Variants in NKAIN2 observed in about 807,000 individuals in gnomAD.
The protein encoded by NKAIN2 is sodium/potassium transporting ATPase interacting 2.
A neutral mutation model predicts 32.6 loss-of-function variants in NKAIN2; 14 were observed. The observed-to-expected ratio is 0.43, with a 90% CI of 0.28 to 0.67. NKAIN2 has a LOEUF of 0.67. Among genes scored for constraint, NKAIN2 ranks in the 30% least tolerant of loss-of-function variants. NKAIN2 has a pLI of 0.17. For missense variants in NKAIN2, 198 were observed against 258.3 expected, an observed-to-expected ratio of 0.77 and a Z score of 1.60; for synonymous variants, 80 against 87.2, an observed-to-expected ratio of 0.92 and a Z score of 0.46.
intron 3 of NKAIN2, among the ~76,000 whole-genome samples, chr6:124,463,385 A>C (rs1197059043): frequency 6.6e-6 from 1 of 152,064 alleles, no homozygotes; most frequent in African/African-American, 2.4e-5. Flanking sequence ...TGGATCCCTT[A>C]ATGCTTCCAA....
intron 2 of NKAIN2, among the ~76,000 whole-genome samples, chr6:124,342,568 G>C (rs62434710): frequency 0.095 from 14,482 of 151,722 alleles, 1,009 homozygotes; most frequent in African/African-American, 0.19. Flanking sequence ...AGCACAGTGG[G>C]ATGATCTTGG....
chr6:124,543,232 A>G (rs1483608891), intron 3 of NKAIN2, among the ~76,000 whole-genome samples: 1 of 152,176 alleles, frequency 6.6e-6, no homozygotes, highest in Non-Finnish European at 1.5e-5. Context: ...ATCTTAATCA[A>G]AATTTGCATT....
chr6:124,487,359 G>A (rs1275084662), intron 3 of NKAIN2, among the ~76,000 whole-genome samples: 1 of 152,048 alleles, frequency 6.6e-6, no homozygotes, highest in Non-Finnish European at 1.5e-5. Context: ...TTAGCCATTT[G>A]GTCCAGTAAA....
At chr6:123,879,188 A>G (rs1773327093) in intron 1 of NKAIN2, among the ~76,000 whole-genome samples, 1 of 151,982 alleles carries the variant, frequency 6.6e-6, no homozygotes, top group East Asian at 1.9e-4. Context: ...CTAGAAAGTC[A>G]TCACAGCTAT....
chr6:124,731,099 C>G (rs1281998197), intron 4 of NKAIN2, among the ~76,000 whole-genome samples: 1 of 140,194 alleles, frequency 7.1e-6, no homozygotes, highest in African/African-American at 2.7e-5. Flanking sequence ...AGGAACACTT[C>G]TACACTGTTG....
intron 1 of NKAIN2, among the ~76,000 whole-genome samples, chr6:123,967,874 G>C (rs1778161180): frequency 6.6e-6 from 1 of 152,166 alleles, no homozygotes; most frequent in Non-Finnish European, 1.5e-5. Context: ...TGAGGAGCCA[G>C]TGTGCTCGCT....
intron 3 of NKAIN2, among the ~76,000 whole-genome samples, chr6:124,609,910 TAG>T (rs1782630842): frequency 6.6e-6 from 1 of 152,170 alleles, no homozygotes; most frequent in South Asian, 2.1e-4. Context: ...GTCTTTGCAA[TAG>T]AGACAATAAT....
chr6:124,051,199 A>C (rs1012511769), intron 1 of NKAIN2, among the ~76,000 whole-genome samples: 41 of 152,040 alleles, frequency 2.7e-4, no homozygotes, highest in African/African-American at 9.4e-4. Context: ...TTGTGTTCTT[A>C]AACTTCCCCT....
chr6:123,912,858 A>AT (rs1354721073), intron 1 of NKAIN2, among the ~76,000 whole-genome samples: 2 of 150,584 alleles, frequency 1.3e-5, no homozygotes, highest in South Asian at 4.2e-4. Context: ...AATCATTGCA[A>AT]TATCATTTGC....
At chr6:124,057,448 G>A (rs1241845238) in intron 1 of NKAIN2, among the ~76,000 whole-genome samples, 1 of 151,922 alleles carries the variant, frequency 6.6e-6, no homozygotes, top group Non-Finnish European at 1.5e-5. Context: ...CAATCAAATG[G>A]CATCTTTTTC....
intron 1 of NKAIN2, among the ~76,000 whole-genome samples, chr6:124,045,911 CA>C (rs1446821726): frequency 6.6e-6 from 1 of 151,934 alleles, no homozygotes; most frequent in African/African-American, 2.4e-5. Context: ...ATGAAATTCA[CA>C]AACTTGATTT....
intron 3 of NKAIN2, among the ~76,000 whole-genome samples, chr6:124,507,590 G>A (rs659491): frequency 0.46 from 70,311 of 151,946 alleles, 18,487 homozygotes; most frequent in South Asian, 0.57. Context: ...TTTTGTGTAT[G>A]TTTTCATAAT....
chr6:124,676,287 T>C (rs1047290045), intron 4 of NKAIN2, among the ~76,000 whole-genome samples: 4 of 152,208 alleles, frequency 2.6e-5, no homozygotes, highest in Admixed American at 6.5e-5. Flanking sequence ...TTGAGAAGAA[T>C]GTATATTCTG....
intron 1 of NKAIN2, among the ~76,000 whole-genome samples, chr6:124,150,846 G>A (rs550915131): frequency 6.6e-6 from 1 of 152,166 alleles, no homozygotes; most frequent in Admixed American, 6.5e-5. Context: ...TTATCAAATT[G>A]TGTTGATAAT....
intron 1 of NKAIN2, among the ~76,000 whole-genome samples, chr6:124,051,963 T>C (rs1029253317): frequency 6.6e-6 from 1 of 152,038 alleles, no homozygotes; most frequent in Admixed American, 6.6e-5. Context: ...CACTAGTACC[T>C]CCTACAGACT....
At chr6:124,718,889 T>C (rs1308824162) in intron 4 of NKAIN2, among the ~76,000 whole-genome samples, 1 of 151,932 alleles carries the variant, frequency 6.6e-6, no homozygotes, top group Non-Finnish European at 1.5e-5. Context: ...ATCTAAAAAA[T>C]CCAGGTAAAA....
intron 1 of NKAIN2, among the ~76,000 whole-genome samples, chr6:123,947,714 G>T (rs1355307086): frequency 6.6e-6 from 1 of 151,936 alleles, no homozygotes; most frequent in Admixed American, 6.6e-5. Flanking sequence ...ATGATATTTT[G>T]GGTACCTATC....
chr6:124,395,822 T>A, intron 3 of NKAIN2, among the ~76,000 whole-genome samples: 1 of 152,164 alleles, frequency 6.6e-6, no homozygotes. Context: ...AAAATAGATC[T>A]AGTATCATTC....
At chr6:124,447,232 A>C (rs1222600501) in intron 3 of NKAIN2, among the ~76,000 whole-genome samples, 1 of 152,038 alleles carries the variant, frequency 6.6e-6, no homozygotes, top group Non-Finnish European at 1.5e-5. Flanking sequence ...TTGTAATATT[A>C]TGATGTTTAC....
Sources: gnomAD v4.1 joint callset for allele counts (sites outside exome capture counted in the v4.1 genomes callset) on GRCh38, gnomAD v4.1.1 for gene constraint, MANE v1.5 for transcripts, NCBI Gene and HGNC (gene_info 2026-07-23, HGNC 2026-07-21) for gene names.